PRDM15: variants seen among roughly 807,000 people sequenced by gnomAD.
The protein encoded by PRDM15 is PR/SET domain 15, also known as PR domain zinc finger protein 15.
In PRDM15, 64 loss-of-function variants were observed where a neutral mutation model predicts 128.6. The ratio of observed to expected loss-of-function variants is 0.50; its 90% CI spans 0.41 to 0.61. The LOEUF (loss-of-function observed/expected upper bound fraction) is 0.61, where lower values mean the gene tolerates loss of function less well. Among genes scored for constraint, PRDM15 ranks in the 20% least tolerant of loss-of-function variants. The pLI is 0.00. For missense variants in PRDM15, 1,242 were observed against 1,569.1 expected (o/e 0.79, Z 3.52); for synonymous variants, 615 against 621.8 (o/e 0.99, Z 0.16).
intron 1 of PRDM15, among the ~76,000 whole-genome samples, chr21:41,865,506 CT>C (rs61110330): frequency 0.02 from 3,104 of 152,232 alleles, 108 homozygotes; most frequent in African/African-American, 0.071. Flanking sequence ...GGTACACCCC[CT>C]AACACACCCC....
At position 41,838,304 on chromosome 21, in the gene PRDM15, T is replaced by C. The variant is rs191114309; in HGVS notation, c.872-241A>G. On this transcript the variant is annotated intron_variant, in intron 7 of 23. Coordinates refer to ENST00000398548, the MANE Select transcript of PRDM15 (RefSeq NM_001040424.3). ...AAACTGAAGTTATAATTTGTTATTC[T>C]TTTTAAAAACCACAACATCATAACA... Among the ~76,000 whole-genome samples the C allele has an allele frequency of 8.9e-4, 135 of 152,364 alleles. 1 individual carries two copies. The highest frequency in any genetic ancestry group is 2.5e-3 in the Admixed American group (38 of 15,310).
chr21:41,872,055 C>T (rs1049645592), intron 1 of PRDM15: 1 of 153,986 alleles, frequency 6.5e-6, no homozygotes, highest in African/African-American at 2.4e-5. Flanking sequence ...AGAAATAGTA[C>T]AAGGTTTTCT....
At chr21:41,820,839 T>C (rs1425052192) in intron 16 of PRDM15, among the ~76,000 whole-genome samples, 1 of 152,222 alleles carries the variant, frequency 6.6e-6, no homozygotes, top group African/African-American at 2.4e-5. Flanking sequence ...TCCTGTAACA[T>C]GGCCAGCTGG....
intron 1 of PRDM15, among the ~76,000 whole-genome samples, chr21:41,865,032 C>G (rs968038777): frequency 8.6e-5 from 13 of 151,228 alleles, no homozygotes; most frequent in Non-Finnish European, 1.9e-4. Context: ...ACTCCCCACT[C>G]CCCTGCTCAG....
At chr21:41,806,578 C>A (rs1164727640) in intron 21 of PRDM15, among the ~76,000 whole-genome samples, 22 of 4,062 alleles carry the variant, frequency 5.4e-3, no homozygotes, top group Non-Finnish European at 0.012. Flanking sequence ...CATACCACCA[C>A]CATCACCACC....
chr21:41,854,951 G>T lies in PRDM15; in HGVS notation c.286-133C>A. On this transcript the variant is annotated intron_variant, in intron 4 of 23. Coordinates refer to ENST00000398548, the MANE Select transcript of PRDM15 (RefSeq NM_001040424.3). The surrounding 1 kb of genome is among the most constrained non-coding windows in gnomAD (Gnocchi z 4.6). The stretch of plus-strand genomic sequence containing the variant: ...TCAGAGGCCATAAGGGCTCCTGTAC[G>T]GGATGTTGAGGTGTTTACAATAGTG... 1 of 981,852 alleles carries T rather than the reference G, an allele frequency of 1.0e-6. No homozygotes were observed. The highest frequency in any genetic ancestry group is 1.5e-6 in the Non-Finnish European group (1 of 681,674). 60.8% of individuals were successfully genotyped at this position (981,852 alleles called of 1,614,324 possible). A position where few individuals can be genotyped will look rare whatever the true frequency, so the allele number is the denominator to read the frequency against.
chr21:41,835,800 G>A (rs1036868194), intron 10 of PRDM15, among the ~76,000 whole-genome samples: 15 of 76,580 alleles, frequency 2.0e-4, no homozygotes, highest in Admixed American at 1.7e-3. Context: ...TGACCAGGAC[G>A]AGGGGCTGAC....
At chr21:41,822,145 C>T (rs1353452228) in intron 14 of PRDM15, 108 bp from the exon 15 acceptor site, 1 of 1,478,624 alleles carries the variant, frequency 6.8e-7, no homozygotes, top group Admixed American at 1.7e-5. Flanking sequence ...GAAGAAAATG[C>T]CTCTCTGATG....
intron 11 of PRDM15, among the ~76,000 whole-genome samples, chr21:41,831,558 C>T (rs1202438583): frequency 6.6e-6 from 1 of 152,260 alleles, no homozygotes; most frequent in Non-Finnish European, 1.5e-5. Context: ...ATGTGCAGCC[C>T]AGGTTGGGGG....
chr21:41,862,392 C>T lies in PRDM15; in HGVS notation c.-9-2020G>A, dbSNP rs940328703. Among the ~76,000 whole-genome samples, 1 of 152,162 alleles carries T rather than the reference C, an allele frequency of 6.6e-6. No homozygotes were observed. Among genetic ancestry groups the T allele is most frequent in the African/African-American group, 2.4e-5 (1 of 41,424 alleles). On this transcript the variant is annotated intron_variant, in intron 1 of 23. Transcript: ENST00000398548. This position sits in a 1 kb window ranked among gnomAD's most constrained non-coding sequence, Gnocchi z 4.1. ...CCTGAGGCCTTGTGTGGCCGCCTCT[C>T]CCCGGGGCAGACCTTGCCTCTGGCC...
In PRDM15 at chr21:41,800,126, G is replaced by A. The variant is rs1223018056; in HGVS notation, c.*1114C>T. ...TCAGAAATACCTACACTTTTCCATT[G>A]TAAAGAGCCAAACTCATTCAATATT... On this transcript the variant is annotated 3_prime_UTR_variant, in exon 24 of 24. Coordinates refer to ENST00000398548, the MANE Select transcript of PRDM15 (RefSeq NM_001040424.3). 1.3e-5 allele frequency: 2 copies of A among 152,200 alleles called. No homozygotes were observed. Among genetic ancestry groups the A allele is most frequent in the African/African-American group, 2.4e-5 (1 of 41,456 alleles). The allele number at this position is 152,200 out of a possible 1,614,324, so 9.4% of individuals were successfully genotyped here. A position where few individuals can be genotyped will look rare whatever the true frequency, so the allele number is the denominator to read the frequency against.
In PRDM15 at chr21:41,859,217, G is replaced by C. The variant is rs1381060740; in HGVS notation, c.131+375C>G. 1.9e-6 allele frequency: 3 copies of C among 1,613,682 alleles called. No homozygotes were observed. The South Asian group carries it at 3.3e-5, about 18-fold the overall frequency. ...CGCCTGGGTGTGCACGTGTCCGCTG[G>C]CAGGCCAAGACCTGGAATGCAGAGA... On this transcript the variant is annotated intron_variant, in intron 3 of 23. Coordinates refer to ENST00000398548, the MANE Select transcript of PRDM15 (RefSeq NM_001040424.3). The surrounding 1 kb of genome is among the most constrained non-coding windows in gnomAD (Gnocchi z 5.3).
intron 5 of PRDM15, among the ~76,000 whole-genome samples, chr21:41,850,629 G>C (rs1241393245): frequency 2.0e-5 from 3 of 152,108 alleles, no homozygotes; most frequent in South Asian, 2.1e-4. Flanking sequence ...AGCTACTAGG[G>C]AGGCTGAGGT....
At chr21:41,867,229 C>T in intron 1 of PRDM15, 1 of 1,186,024 alleles carries the variant, frequency 8.4e-7, no homozygotes, top group Non-Finnish European at 1.2e-6. Flanking sequence ...GGGGCCTCTG[C>T]TGCGCCGGTA....
chr21:41,810,241 C>T lies in PRDM15; in HGVS notation c.2565G>A (p.Lys855=), dbSNP rs1047269930. 6.2e-7 allele frequency: 1 copy of T among 1,613,322 alleles called. No homozygotes were observed. The highest frequency in any genetic ancestry group is 8.5e-7 in the Non-Finnish European group (1 of 1,179,900). ...ACAGCTGGCAGCTCTGCGCCTCCACCTTGTCGTGTGTGAGCTGAACGTGCT... is the reference window on the plus strand; with the variant it reads ...ACAGCTGGCAGCTCTGCGCCTCCACTTTGTCGTGTGTGAGCTGAACGTGCT... ...LQKHVQLTHD[K]VEAQSCQLCG... is the part of the protein sequence containing the mutation. Residue 855 remains lysine, a synonymous_variant, in exon 21 of 24, where the codon AAG becomes AAA. Transcript: ENST00000398548. This position sits in a 1 kb window ranked among gnomAD's most constrained non-coding sequence, Gnocchi z 6.4.
At position 41,854,580 on chromosome 21, in the gene PRDM15, C is replaced by T. The variant is rs1261903398; in HGVS notation, c.524G>A (p.Gly175Asp). 1.2e-6 allele frequency: 2 copies of T among 1,613,246 alleles called. No individual in the cohort carries two copies. Among genetic ancestry groups the T allele is most frequent in the South Asian group, 2.2e-5 (2 of 91,090 alleles). ...CCGCCACATACCGTGGACGCCAGAG[C>T]CGGCCTGCTTCAGCATGGGCTTGTC... ...KMDKPMLKQAGSGVHAAGTPE... is the reference protein window; with the variant it reads ...KMDKPMLKQADSGVHAAGTPE... Residue 175 changes from glycine to aspartate, a missense_variant, in exon 5 of 24, where the codon GGC becomes GAC. By Grantham distance (94) the Gly-to-Asp change is moderately conservative. Transcript: ENST00000398548. The surrounding 1 kb of genome is among the most constrained non-coding windows in gnomAD (Gnocchi z 4.6).
At chr21:41,873,855 G>C (rs2064301226) in intron 1 of PRDM15, among the ~76,000 whole-genome samples, 1 of 152,028 alleles carries the variant, frequency 6.6e-6, no homozygotes, top group Non-Finnish European at 1.5e-5. Flanking sequence ...AGACCACCTT[G>C]AGTAACACGG....
intron 1 of PRDM15, chr21:41,872,083 T>C (rs1202046207): frequency 6.5e-6 from 1 of 152,868 alleles, no homozygotes; most frequent in Non-Finnish European, 1.5e-5. Flanking sequence ...ATTTCTTTTA[T>C]GATTTCTTCT....
At position 41,861,579 on chromosome 21, in the gene PRDM15, C is replaced by CA. The variant is rs756612017; in HGVS notation, c.-9-1208dup. 1.4e-4 allele frequency: 221 copies of CA among 1,598,140 alleles called. No homozygotes were observed. The African/African-American group carries it at 2.6e-3, about 19-fold the overall frequency. The stretch of plus-strand genomic sequence containing the variant: ...TGTGCGCACCGGCATGTCCTTCCTG[C>CA]AACCTGCTTCTCTGATGCCCGTTGC... On this transcript the variant is annotated intron_variant, in intron 1 of 23. Coordinates refer to ENST00000398548, the MANE Select transcript of PRDM15 (RefSeq NM_001040424.3).
Sources: allele counts gnomAD v4.1 joint callset (sites outside exome capture counted in the v4.1 genomes callset), GRCh38; gene constraint gnomAD v4.1.1; non-coding constraint Gnocchi (gnomAD v3.1); transcripts MANE v1.5; gene names NCBI Gene and HGNC (gene_info 2026-07-23, HGNC 2026-07-21).